The following HS3ST4 variants were observed in gnomAD, a reference collection of about 807,000 sequenced individuals.
HS3ST4 encodes the protein heparan sulfate-glucosamine 3-sulfotransferase 4, also known as heparan sulfate glucosamine 3-O-sulfotransferase 4.
HS3ST4 carries 17 observed loss-of-function variants against 29.2 expected under a neutral mutation model. That is an observed-to-expected ratio of 0.58 (90% CI 0.40 to 0.87). The LOEUF (loss-of-function observed/expected upper bound fraction) is 0.87. Ranked by LOEUF, HS3ST4 falls within the 40% of genes least tolerant of loss-of-function variation. The probability of loss-of-function intolerance (pLI) is 0.00; values close to 1 mark genes in which losing one functional copy is unlikely to be tolerated. For synonymous variants in HS3ST4, 314 were observed against 285.7 expected, an observed-to-expected ratio of 1.10 and a Z score of -1.00; for missense variants, 627 against 634.5, an observed-to-expected ratio of 0.99 and a Z score of 0.13.
chr16:25,706,672 A>G lies in HS3ST4; in HGVS notation c.734+13521A>G, dbSNP rs1257925462. ...CTAACCCTCTGTGCTAGACAGAATA[A>G]TGACCTCCCTGAAATGCCTGCATCC... On this transcript the variant is annotated intron_variant, in intron 1 of 1. Transcript: ENST00000331351. Among the ~76,000 whole-genome samples, 5 of 152,250 alleles carry G rather than the reference A, an allele frequency of 3.3e-5. No homozygotes were observed. The South Asian group carries it at 1.0e-3, about 32-fold the overall frequency.
intron 1 of HS3ST4, among the ~76,000 whole-genome samples, chr16:25,929,421 C>A (rs1968442024): frequency 6.6e-6 from 1 of 152,046 alleles, no homozygotes; most frequent in Admixed American, 6.6e-5. Flanking sequence ...TCAAGGTTAT[C>A]TTCAGGGGCA....
At chr16:25,780,424 A>C (rs1966851619) in intron 1 of HS3ST4, among the ~76,000 whole-genome samples, 1 of 152,158 alleles carries the variant, frequency 6.6e-6, no homozygotes, top group Non-Finnish European at 1.5e-5. Context: ...GCATCGGTAA[A>C]GTTTGGGTGA....
At chr16:25,826,199 T>C in intron 1 of HS3ST4, 1 of 152,202 alleles carries the variant, frequency 6.6e-6, no homozygotes, top group East Asian at 1.9e-4. Context: ...AGAAATGGCC[T>C]TTTTTCTGCT....
At chr16:25,988,569 C>G (rs1406617381) in intron 1 of HS3ST4, among the ~76,000 whole-genome samples, 2 of 152,162 alleles carry the variant, frequency 1.3e-5, no homozygotes, top group African/African-American at 2.4e-5. Flanking sequence ...TAAGTTATCT[C>G]TAGGATAGTT....
intron 1 of HS3ST4, among the ~76,000 whole-genome samples, chr16:25,752,295 A>C (rs148808689): frequency 6.6e-6 from 1 of 152,306 alleles, no homozygotes; most frequent in Non-Finnish European, 1.5e-5. Context: ...TAGTATTAAT[A>C]ACATGAAGAC....
In HS3ST4 at chr16:26,058,127, A is replaced by G. The variant is rs182429156; in HGVS notation, c.735-77485A>G. The stretch of plus-strand genomic sequence containing the variant: ...AACAGCCCCATTAAAGCTTTGCATT[A>G]TACATGTTCTCCAAGCTATGTAACT... On this transcript the variant is annotated intron_variant, in intron 1 of 1. Transcript: ENST00000331351. 6.3e-3 allele frequency among the ~76,000 whole-genome samples: 961 copies of G among 152,304 alleles called. 11 individuals are homozygous for G. Among genetic ancestry groups the G allele is most frequent in the Admixed American group, 0.012 (185 of 15,308 alleles).
At chr16:25,971,933 AAAAG>A (rs970322940) in intron 1 of HS3ST4, among the ~76,000 whole-genome samples, 2 of 152,148 alleles carry the variant, frequency 1.3e-5, no homozygotes, top group Middle Eastern at 3.2e-3. Context: ...TCCATCTCAA[AAAAG>A]AAAGAAAGAA....
intron 1 of HS3ST4, among the ~76,000 whole-genome samples, chr16:25,981,337 A>G (rs558563646): frequency 1.7e-3 from 225 of 136,330 alleles, no homozygotes; most frequent in Middle Eastern, 3.6e-3. Context: ...AACTCCGTCT[A>G]AAAAAAAAAA....
chr16:25,831,378 A>G (rs946086021), intron 1 of HS3ST4, among the ~76,000 whole-genome samples: 4 of 149,438 alleles, frequency 2.7e-5, no homozygotes, highest in African/African-American at 9.9e-5. Context: ...CCTGGGCAAC[A>G]TAATGAGACC....
chr16:26,035,845 C>T (rs1398224099), intron 1 of HS3ST4, among the ~76,000 whole-genome samples: 1 of 152,178 alleles, frequency 6.6e-6, no homozygotes, highest in East Asian at 1.9e-4. Flanking sequence ...CTCCTTGTTC[C>T]TATGATAAAG....
chr16:25,692,474 G>A lies in HS3ST4; in HGVS notation c.57G>A (p.Ala19=), dbSNP rs147594679. The stretch of plus-strand genomic sequence containing the variant: ...CGCCTCCGCCTCCACCTCTGGCCGC[G>A]CCGCCGCCGCCCGGCGCCTCTGCTA... ...PPPPPPPPLA[A]PPPPGASAKG... Residue 19 remains alanine (A), a synonymous_variant, in exon 1 of 2, where the codon GCG becomes GCA. Transcript: ENST00000331351. The A allele has an allele frequency of 1.5e-3, 2,052 of 1,358,924 alleles. 25 individuals are homozygous for A. In the African/African-American group the frequency reaches 0.027, roughly 18 times the overall value. 84.2% of individuals were successfully genotyped at this position (1,358,924 alleles called of 1,614,324 possible).
intron 1 of HS3ST4, among the ~76,000 whole-genome samples, chr16:26,031,704 G>GTTTTT (rs202095804): frequency 1.4e-5 from 2 of 141,906 alleles, no homozygotes; most frequent in Admixed American, 7.1e-5. Context: ...ATGGAGGCGT[G>GTTTTT]TTTTTTTTTT....
chr16:26,017,143 A>T (rs1969370098), intron 1 of HS3ST4, among the ~76,000 whole-genome samples: 1 of 152,226 alleles, frequency 6.6e-6, no homozygotes, highest in Admixed American at 6.5e-5. Context: ...GTTATCCCAG[A>T]GTAATCTAGC....
chr16:26,057,086 T>C lies in HS3ST4; in HGVS notation c.735-78526T>C, dbSNP rs989790293. Among the ~76,000 whole-genome samples the C allele has an allele frequency of 3.3e-5, 5 of 152,310 alleles. No individual in the cohort carries two copies. The East Asian group carries it at 9.7e-4, about 29-fold the overall frequency. ...AAGGAAGTGCTCATTAGAGCACTTTTGGATTTTGGATTTTCAGATTTCAGA... is the reference window on the plus strand; with the variant it reads ...AAGGAAGTGCTCATTAGAGCACTTTCGGATTTTGGATTTTCAGATTTCAGA... On this transcript the variant is annotated intron_variant, in intron 1 of 1. Transcript: ENST00000331351.
At chr16:26,083,312 C>T (rs187184586) in intron 1 of HS3ST4, among the ~76,000 whole-genome samples, 12 of 152,330 alleles carry the variant, frequency 7.9e-5, no homozygotes, top group African/African-American at 2.6e-4. Context: ...ACTTTTTGTA[C>T]TAAATCGAGT....
intron 1 of HS3ST4, among the ~76,000 whole-genome samples, chr16:25,849,807 T>A (rs1967499854): frequency 6.8e-6 from 1 of 147,764 alleles, no homozygotes; most frequent in Non-Finnish European, 1.5e-5. Flanking sequence ...GTGCCTCACT[T>A]AGAGCTCCTT....
At chr16:25,954,947 T>TATTC (rs1437002499) in intron 1 of HS3ST4, among the ~76,000 whole-genome samples, 2 of 152,220 alleles carry the variant, frequency 1.3e-5, no homozygotes, top group African/African-American at 4.8e-5. Context: ...TATGAAATAA[T>TATTC]TTTTATAAAA....
At chr16:25,969,364 C>T (rs1968874318) in intron 1 of HS3ST4, among the ~76,000 whole-genome samples, 1 of 152,192 alleles carries the variant, frequency 6.6e-6, no homozygotes. Flanking sequence ...CAGATCCTGG[C>T]CACGTTGAGG....
rs534179709 is a variant in HS3ST4, at chr16:25,873,700, C to G, written c.734+180549C>G. Among the ~76,000 whole-genome samples, 3 of 151,388 alleles carry G rather than the reference C, an allele frequency of 2.0e-5. No homozygotes were observed. The East Asian group carries it at 5.9e-4, about 30-fold the overall frequency. On this transcript the variant is annotated intron_variant, in intron 1 of 1. Coordinates refer to ENST00000331351, the MANE Select transcript of HS3ST4 (RefSeq NM_006040.3). The stretch of plus-strand genomic sequence containing the variant: ...TCCATCCATCCATCCATCCATCCAT[C>G]CATCCATCTGTCCATCTATCCATCC...
Sources: gnomAD v4.1 joint callset for allele counts (sites outside exome capture counted in the v4.1 genomes callset) on GRCh38, gnomAD v4.1.1 for gene constraint, MANE v1.5 for transcripts, NCBI Gene and HGNC (gene_info 2026-07-23, HGNC 2026-07-21) for gene names.